The following KRT73 variants were observed in gnomAD, a reference collection of about 807,000 sequenced individuals.
The protein encoded by KRT73 is keratin 73, also known as keratin, type II cytoskeletal 73.
KRT73 carries 44 observed loss-of-function variants against 47.2 expected under a neutral mutation model. The observed-to-expected ratio is 0.93, with a 90% CI of 0.73 to 1.20. The LOEUF is 1.20. Ranked by LOEUF, KRT73 falls within the 50% of genes most tolerant of loss-of-function variation. The pLI is 0.00. For synonymous variants in KRT73, 285 were observed against 291.3 expected (o/e 0.98, Z 0.22); for missense variants, 713 against 704.5 (o/e 1.01, Z -0.14).
At chr12:52,609,191 C>A in intron 8 of KRT73, 56 bp downstream of exon 8, 2 of 1,518,176 alleles carry the variant, frequency 1.3e-6, no homozygotes, top group Non-Finnish European at 9.2e-7. Flanking sequence ...GACACCCACC[C>A]ACTTTGTGTT....
At chr12:52,626,491 A>G in the KRT73 span, among the ~76,000 whole-genome samples, 1 of 152,240 alleles carries the variant, frequency 6.6e-6, no homozygotes, top group Non-Finnish European at 1.5e-5. Flanking sequence ...ACCCACTCTC[A>G]GGAGTTGTGC....
chr12:52,627,902 C>T, the KRT73 span, among the ~76,000 whole-genome samples: 3 of 144,734 alleles, frequency 2.1e-5, no homozygotes, highest in African/African-American at 2.8e-5. Flanking sequence ...ACAGAATGAA[C>T]ATGTGTGTGT....
At chr12:52,615,239 A>G in intron 3 of KRT73, 40 bp downstream of exon 3, 1 of 1,551,066 alleles carries the variant, frequency 6.4e-7, no homozygotes, top group Non-Finnish European at 8.9e-7. Flanking sequence ...CCCAGCACCC[A>G]CTGCTGGGGG....
chr12:52,623,011 C>T (rs552609993), upstream of KRT73, among the ~76,000 whole-genome samples: 1 of 152,200 alleles, frequency 6.6e-6, no homozygotes, highest in East Asian at 1.9e-4. Context: ...AAAGATCTAA[C>T]AGTCAAGTCA....
upstream of KRT73, among the ~76,000 whole-genome samples, chr12:52,622,464 A>G (rs537243346): frequency 1.5e-4 from 23 of 152,256 alleles, no homozygotes; most frequent in East Asian, 4.2e-3. Context: ...AAAATAACCA[A>G]CTCTGGGAGA....
chr12:52,618,411 C>T lies in KRT73; in HGVS notation c.114G>A (p.Gly38=). 1 of 1,614,172 alleles carries T rather than the reference C, an allele frequency of 6.2e-7. No individual in the cohort carries two copies. The highest frequency in any genetic ancestry group is 8.5e-7 in the Non-Finnish European group (1 of 1,180,038). The change falls in exon 1 of 9, where the codon GGG becomes GGA. Residue 38 remains glycine (G), a synonymous_variant. Transcript: ENST00000305748. ...SSSSYRAGGK[G]LSGGFSSRSL... ...TCCGACTGCTGAAGCCTCCACTGAG[C>T]CCTTTGCCCCCTGCTCGGTAGGAGG...
intron 3 of KRT73, chr12:52,614,966 G>C (rs1418989398): frequency 5.7e-6 from 3 of 528,040 alleles, no homozygotes; most frequent in Non-Finnish European, 6.7e-6. Flanking sequence ...GGACAGCCAC[G>C]GCGATTTGCC....
chr12:52,614,706 C>A (rs1463627464), intron 3 of KRT73, 32 bp from the exon 4 acceptor site: 1 of 1,584,032 alleles, frequency 6.3e-7, no homozygotes, highest in Non-Finnish European at 8.6e-7. Context: ...CTGACCTCAC[C>A]TTTCTTCAAG....
chr12:52,629,035 G>A, the KRT73 span, among the ~76,000 whole-genome samples: 1 of 152,148 alleles, frequency 6.6e-6, no homozygotes, highest in Non-Finnish European at 1.5e-5. Context: ...GCATGTGCAG[G>A]ATTCCTAGCT....
the KRT73 span, among the ~76,000 whole-genome samples, chr12:52,624,078 C>A: frequency 3.2e-4 from 49 of 151,826 alleles, no homozygotes; most frequent in African/African-American, 1.2e-3. Flanking sequence ...TCTCCAAAAA[C>A]TTATCTCAAC....
chr12:52,628,387 A>T, the KRT73 span, among the ~76,000 whole-genome samples: 47 of 128,564 alleles, frequency 3.7e-4, no homozygotes, highest in African/African-American at 1.3e-3. Context: ...GTCCCCATAG[A>T]TCTTCCTCTC....
At chr12:52,610,494 G>A (rs1228800621) in intron 7 of KRT73, 121 bp downstream of exon 7, 5 of 904,958 alleles carry the variant, frequency 5.5e-6, no homozygotes, top group African/African-American at 1.6e-5. Context: ...TTGAAACTAT[G>A]CTTGTGGGTG....
At chr12:52,627,972 A>C in the KRT73 span, among the ~76,000 whole-genome samples, 382 of 152,300 alleles carry the variant, frequency 2.5e-3, no homozygotes, top group African/African-American at 8.8e-3. Flanking sequence ...GGTAGTGAAC[A>C]ATACTCAGGG....
Position 52,609,277 on chromosome 12 carries a change from A to G in KRT73, c.1336T>C (p.Ser446Pro), listed in dbSNP as rs928751441. The G allele has an allele frequency of 1.2e-6, 2 of 1,613,528 alleles. No individual in the cohort carries two copies. Among genetic ancestry groups the G allele is most frequent in the Non-Finnish European group, 8.5e-7 (1 of 1,179,490 alleles). ...CTCACGGAGTTGGTATATTCTCCGG[A>G]CATCCTGCAAGAGAGAAAAGCACAG... ...KLLEGEECRM[S>P]GEYTNSVSIS... The change falls in exon 8 of 9, where the codon TCC (serine) becomes CCC (proline). Residue 446 changes from serine to proline, a missense_variant. Physicochemically the swap from Ser to Pro is moderately conservative, Grantham distance 74 (BLOSUM62 -1). Transcript: ENST00000305748.
intron 5 of KRT73, among the ~76,000 whole-genome samples, chr12:52,613,025 G>C (rs1011967201): frequency 1.3e-5 from 2 of 152,154 alleles, no homozygotes; most frequent in Admixed American, 6.5e-5. Context: ...CCTAGACCTT[G>C]AAAGCCTCTC....
At chr12:52,611,407 C>A (rs1940700520) in intron 5 of KRT73, 78 bp from the exon 6 acceptor site, 2 of 1,567,012 alleles carry the variant, frequency 1.3e-6, no homozygotes, top group African/African-American at 2.7e-5. Flanking sequence ...ACTGTGCCTG[C>A]ACTTGCAGAG....
chr12:52,626,539 C>T, the KRT73 span, among the ~76,000 whole-genome samples: 2 of 152,306 alleles, frequency 1.3e-5, no homozygotes, highest in South Asian at 2.1e-4. Flanking sequence ...TACCACAACT[C>T]GTATCCCTCT....
chr12:52,613,581 T>C (rs1940747165), intron 5 of KRT73, 107 bp downstream of exon 5: 1 of 1,548,670 alleles, frequency 6.5e-7, no homozygotes. Context: ...GAGAGTGCTG[T>C]GCTCCCAGCA....
At chr12:52,612,456 A>G (rs1260840008) in intron 5 of KRT73, 1 of 152,234 alleles carries the variant, frequency 6.6e-6, no homozygotes, top group East Asian at 1.9e-4. Flanking sequence ...CCACCCCAGC[A>G]TGGCCCAAGA....
Sources: allele counts gnomAD v4.1 joint callset (sites outside exome capture counted in the v4.1 genomes callset), GRCh38; gene constraint gnomAD v4.1.1; transcripts MANE v1.5; gene names NCBI Gene and HGNC (gene_info 2026-07-23, HGNC 2026-07-21).